Variants in ACAP2 observed in about 807,000 individuals in gnomAD.
The protein encoded by ACAP2 is ArfGAP with coiled-coil, ankyrin repeat and PH domains 2.
A neutral mutation model predicts 115.8 loss-of-function variants in ACAP2; 39 were observed. The observed-to-expected ratio is 0.34, with a 90% CI of 0.26 to 0.44. The LOEUF (loss-of-function observed/expected upper bound fraction) is 0.44. ACAP2 is among the 20% of genes least tolerant of loss of function. The pLI is 1.00. For synonymous variants in ACAP2, 289 were observed against 315.8 expected, an observed-to-expected ratio of 0.92 and a Z score of 0.90; for missense variants, 662 against 927.6, an observed-to-expected ratio of 0.71 and a Z score of 3.72.
At chr3:195,436,084 T>C (rs1392829781) in intron 1 of ACAP2, among the ~76,000 whole-genome samples, 6 of 151,084 alleles carry the variant, frequency 4.0e-5, no homozygotes, top group African/African-American at 1.2e-4. Flanking sequence ...TTTATTTTTA[T>C]ACACATACAC....
intron 1 of ACAP2, among the ~76,000 whole-genome samples, chr3:195,430,490 G>A (rs1051342285): frequency 2.6e-5 from 4 of 152,204 alleles, no homozygotes. Context: ...GAGGTAGGCA[G>A]ATCACTTGAG....
chr3:195,350,944 T>C (rs1731528322), intron 4 of ACAP2, among the ~76,000 whole-genome samples: 1 of 151,724 alleles, frequency 6.6e-6, no homozygotes, highest in Non-Finnish European at 1.5e-5. Context: ...AAGCAAACAT[T>C]TCCTAACAGA....
intron 1 of ACAP2, among the ~76,000 whole-genome samples, chr3:195,426,203 T>C (rs1714674355): frequency 6.6e-6 from 1 of 152,128 alleles, no homozygotes; most frequent in Admixed American, 6.5e-5. Flanking sequence ...TCAAGCTCCT[T>C]TCTCCCTGAG....
Position 195,307,221 on chromosome 3 carries a change from ACTTT to A in ACAP2, c.1008_1010+1del. On this transcript the variant is annotated splice_donor_variant and coding_sequence_variant, in exon 12 of 23. Transcript: ENST00000326793. LOFTEE classifies it high-confidence loss of function. ...AATCACAGATCCTTTAGAACCACTTACTTTGTTGGCGAGACCACCTCAAAGCAGA... is the reference window on the plus strand; with the variant it reads ...AATCACAGATCCTTTAGAACCACTTAGTTGGCGAGACCACCTCAAAGCAGA... 1 of 1,610,386 alleles carries A rather than the reference ACTTT, an allele frequency of 6.2e-7. No homozygotes were observed. Among genetic ancestry groups the A allele is most frequent in the Non-Finnish European group, 8.5e-7 (1 of 1,177,382 alleles).
chr3:195,389,348 C>G (rs76137995), intron 2 of ACAP2, among the ~76,000 whole-genome samples: 1 of 152,326 alleles, frequency 6.6e-6, no homozygotes, highest in East Asian at 1.9e-4. Flanking sequence ...AGCAAAAACA[C>G]TGTCAGTGGA....
intron 16 of ACAP2, 70 bp downstream of exon 16, chr3:195,297,120 T>G: frequency 7.4e-7 from 1 of 1,343,144 alleles, no homozygotes; most frequent in Non-Finnish European, 1.1e-6. Context: ...ATGTTATATA[T>G]CAATTACTAC....
intron 17 of ACAP2, chr3:195,295,156 C>T: frequency 1.7e-6 from 2 of 1,169,398 alleles, no homozygotes; most frequent in Non-Finnish European, 1.1e-6. Context: ...ACAATGACCA[C>T]TGGCACAGAC....
intron 7 of ACAP2, among the ~76,000 whole-genome samples, chr3:195,335,024 G>C (rs1730410995): frequency 6.6e-6 from 1 of 152,082 alleles, no homozygotes; most frequent in Non-Finnish European, 1.5e-5. Flanking sequence ...CCTGTTTTTT[G>C]ATAGTCCATG....
intron 8 of ACAP2, among the ~76,000 whole-genome samples, chr3:195,332,646 A>G (rs1437450141): frequency 6.6e-6 from 1 of 152,188 alleles, no homozygotes; most frequent in African/African-American, 2.4e-5. Flanking sequence ...ACGTGTCAAG[A>G]GAGACAAGGT....
At position 195,292,345 on chromosome 3, in the gene ACAP2, C is replaced by T. The variant is rs1288942884; in HGVS notation, c.1873G>A (p.Ala625Thr). Residue 625 changes from alanine to threonine, a missense_variant, in exon 19 of 23, where the codon GCT becomes ACT. This residue lies in a region of ACAP2 where 128 missense variants were observed against 200.2 expected (regional missense o/e 0.64). Coordinates refer to ENST00000326793, the MANE Select transcript of ACAP2 (RefSeq NM_012287.6). The stretch of plus-strand genomic sequence containing the variant: ...TTCACGTCTGCACCATGAGCCAAAG[C>T]CTCAGCCATTTTAGGAAGGTTTTTT... The part of the protein sequence containing the change: ...YEKNLPKMAE[A>T]LAHGADVNWA... The T allele has an allele frequency of 6.2e-7, 1 of 1,613,922 alleles. No individual in the cohort carries two copies. Among genetic ancestry groups the T allele is most frequent in the African/African-American group, 1.3e-5 (1 of 74,898 alleles).
At chr3:195,343,278 T>G (rs1730991306) in intron 5 of ACAP2, among the ~76,000 whole-genome samples, 1 of 152,188 alleles carries the variant, frequency 6.6e-6, no homozygotes, top group Non-Finnish European at 1.5e-5. Flanking sequence ...CAAACGATTT[T>G]TAAACGGTAG....
chr3:195,319,793 G>A (rs1398105201), intron 10 of ACAP2, among the ~76,000 whole-genome samples: 1 of 152,162 alleles, frequency 6.6e-6, no homozygotes, highest in East Asian at 1.9e-4. Context: ...TTGAGTTAAT[G>A]CTGGAATGAG....
intron 1 of ACAP2, among the ~76,000 whole-genome samples, chr3:195,421,229 G>C (rs1394635040): frequency 6.6e-6 from 1 of 152,150 alleles, no homozygotes; most frequent in African/African-American, 2.4e-5. Context: ...TTCACCTCTA[G>C]AAGTTTTCAT....
chr3:195,285,435 C>T (rs1424160594), intron 22 of ACAP2: 1 of 182,794 alleles, frequency 5.5e-6, no homozygotes, highest in Non-Finnish European at 1.1e-5. Context: ...AAGAAAACAA[C>T]TATTTTGCTG....
chr3:195,368,846 G>C (rs1426234804), intron 4 of ACAP2, among the ~76,000 whole-genome samples: 1 of 152,198 alleles, frequency 6.6e-6, no homozygotes, highest in East Asian at 1.9e-4. Context: ...CACTTTGAGA[G>C]GCCAAGGCGG....
intron 8 of ACAP2, among the ~76,000 whole-genome samples, chr3:195,327,947 A>T (rs9790153): frequency 0.26 from 39,106 of 151,152 alleles, 5,925 homozygotes; most frequent in East Asian, 0.74. Flanking sequence ...ACCAAAAAAA[A>T]ATATATATAT....
chr3:195,337,304 C>T (rs542355663), intron 6 of ACAP2, among the ~76,000 whole-genome samples: 1 of 152,290 alleles, frequency 6.6e-6, no homozygotes, highest in East Asian at 1.9e-4. Context: ...GTTTCACATA[C>T]AACCTAAATG....
chr3:195,437,850 C>T lies in ACAP2; in HGVS notation c.53+4945G>A, dbSNP rs192142514. ...AAAAAAAAAAGCAAAAAAAAACCCA[C>T]ATTTTTAAAATGAGGATAAGTCCTA... On this transcript the variant is annotated intron_variant, in intron 1 of 22. Coordinates refer to ENST00000326793, the MANE Select transcript of ACAP2 (RefSeq NM_012287.6). 2.5e-4 allele frequency among the ~76,000 whole-genome samples: 33 copies of T among 132,372 alleles called. No individual in the cohort carries two copies. In the East Asian group the frequency reaches 7.0e-3, roughly 28 times the overall value. 86.8% of individuals were successfully genotyped at this position (132,372 alleles called of 152,430 possible).
chr3:195,354,650 TTTGA>T (rs1339925465), intron 4 of ACAP2, among the ~76,000 whole-genome samples: 1 of 152,210 alleles, frequency 6.6e-6, no homozygotes, highest in African/African-American at 2.4e-5. Flanking sequence ...TGACAGTTTC[TTTGA>T]TTGTGCAGAA....
Sources: allele counts gnomAD v4.1 joint callset (sites outside exome capture counted in the v4.1 genomes callset), GRCh38; gene constraint gnomAD v4.1.1; regional missense constraint gnomAD v4.1.1; transcripts MANE v1.5; gene names NCBI Gene and HGNC (gene_info 2026-07-23, HGNC 2026-07-21).